Variants in ZFYVE9 observed in about 807,000 individuals in gnomAD.
ZFYVE9 encodes zinc finger FYVE domain-containing protein 9.
ZFYVE9 carries 43 observed loss-of-function variants against 126.7 expected under a neutral mutation model. The ratio of observed to expected loss-of-function variants is 0.34; its 90% confidence interval spans 0.27 to 0.44. ZFYVE9 has a LOEUF of 0.44. Among genes scored for constraint, ZFYVE9 ranks in the 20% least tolerant of loss-of-function variants. The pLI is 1.00. For missense variants in ZFYVE9, 1,476 were observed against 1,697.0 expected, an observed-to-expected ratio of 0.87 and a Z score of 2.29; for synonymous variants, 521 against 597.4, an observed-to-expected ratio of 0.87 and a Z score of 1.87.
chr1:52,274,534 T>C lies in ZFYVE9; in HGVS notation c.2696T>C (p.Ile899Thr). ...CCTGTTGGAAGTGCAATGAATCTTATTCCTGAAGATGGCCTTCCTCCCATT... is the reference window on the plus strand; with the variant it reads ...CCTGTTGGAAGTGCAATGAATCTTACTCCTGAAGATGGCCTTCCTCCCATT... ...GSPVGSAMNL[I>T]PEDGLPPILI... is the part of the protein sequence containing the mutation. The change falls in exon 8 of 19, where the codon ATT becomes ACT. Residue 899 changes from isoleucine to threonine, a missense_variant. Coordinates refer to ENST00000287727, the MANE Select transcript of ZFYVE9 (RefSeq NM_004799.4). 6.2e-7 allele frequency: 1 copy of C among 1,612,946 alleles called. No individual in the cohort carries two copies. The highest frequency in any genetic ancestry group is 1.3e-5 in the African/African-American group (1 of 75,036).
chr1:52,287,556 C>T (rs1027225363), intron 10 of ZFYVE9, among the ~76,000 whole-genome samples: 13 of 152,132 alleles, frequency 8.5e-5, no homozygotes, highest in African/African-American at 3.1e-4. Flanking sequence ...GCTTCACCCT[C>T]ATGGATGGGA....
At chr1:52,332,642 G>A (rs1330667160) in intron 13 of ZFYVE9, 126 bp from the exon 14 acceptor site, 1 of 1,083,070 alleles carries the variant, frequency 9.2e-7, no homozygotes, top group South Asian at 1.9e-5. Flanking sequence ...TCATTATTTG[G>A]TGGCCCTTTT....
In ZFYVE9 at chr1:52,241,013, A is replaced by G. The variant is rs77996819; in HGVS notation, c.2178+1418A>G. On this transcript the variant is annotated intron_variant, in intron 4 of 18. Coordinates refer to ENST00000287727, the MANE Select transcript of ZFYVE9 (RefSeq NM_004799.4). ...CTAATGTACTACATGAGGACTATGC[A>G]TAATAAAATCATACTATATTTGGGA... is the stretch of plus-strand genomic sequence containing the variant. Among the ~76,000 whole-genome samples, 245 of 152,310 alleles carry G rather than the reference A, an allele frequency of 1.6e-3. 2 individuals carry two copies. In the East Asian group the frequency reaches 0.027, roughly 17 times the overall value.
chr1:52,193,052 A>G (rs1357839690), intron 1 of ZFYVE9, among the ~76,000 whole-genome samples: 1 of 152,110 alleles, frequency 6.6e-6, no homozygotes, highest in African/African-American at 2.4e-5. Context: ...CAGACATCTC[A>G]TGCTTATTGA....
chr1:52,190,078 G>A (rs78381310), intron 1 of ZFYVE9: 2,318 of 171,942 alleles, frequency 0.013, 76 homozygotes, highest in African/African-American at 0.052. Context: ...TATAACACCC[G>A]TGATCATGTT....
At chr1:52,218,987 G>T (rs1449769439) in intron 2 of ZFYVE9, among the ~76,000 whole-genome samples, 1 of 152,148 alleles carries the variant, frequency 6.6e-6, no homozygotes, top group Non-Finnish European at 1.5e-5. Flanking sequence ...GGCAATTTGA[G>T]GGGGTGGTTC....
chr1:52,244,565 G>C (rs1295387224), intron 4 of ZFYVE9, among the ~76,000 whole-genome samples: 5 of 152,192 alleles, frequency 3.3e-5, no homozygotes, highest in Non-Finnish European at 1.5e-5. Flanking sequence ...GGTTTGAGGA[G>C]AGTGAGATAG....
chr1:52,268,671 T>C, intron 7 of ZFYVE9, 39 bp downstream of exon 7: 1 of 1,600,760 alleles, frequency 6.2e-7, no homozygotes, highest in South Asian at 1.1e-5. Context: ...GCATAGCTAC[T>C]TTACTCAGCA....
chr1:52,336,691 C>T (rs1286238872), intron 15 of ZFYVE9, among the ~76,000 whole-genome samples: 1 of 151,936 alleles, frequency 6.6e-6, no homozygotes. Context: ...GTCATTTGGT[C>T]TAAAGCAACT....
At chr1:52,256,355 C>G (rs1481762428) in intron 4 of ZFYVE9, among the ~76,000 whole-genome samples, 1 of 151,960 alleles carries the variant, frequency 6.6e-6, no homozygotes, top group African/African-American at 2.4e-5. Context: ...GCATGAGCCA[C>G]CATGCCCGGC....
intron 1 of ZFYVE9, among the ~76,000 whole-genome samples, chr1:52,167,308 A>G (rs942848234): frequency 2.6e-5 from 4 of 152,206 alleles, no homozygotes; most frequent in Admixed American, 2.6e-4. Context: ...ATCTTGGTGG[A>G]TAAATAAGAA....
intron 13 of ZFYVE9, among the ~76,000 whole-genome samples, chr1:52,312,793 G>T (rs1040794789): frequency 1.3e-5 from 2 of 152,106 alleles, no homozygotes; most frequent in African/African-American, 2.4e-5. Context: ...TTTCACTTTT[G>T]CCCATGTTGG....
intron 2 of ZFYVE9, among the ~76,000 whole-genome samples, chr1:52,229,414 C>T (rs1004725632): frequency 6.6e-6 from 1 of 152,152 alleles, no homozygotes; most frequent in Non-Finnish European, 1.5e-5. Flanking sequence ...TGTAAACATA[C>T]ATTTCCTTCT....
intron 10 of ZFYVE9, among the ~76,000 whole-genome samples, chr1:52,286,833 C>G (rs1036044992): frequency 4.6e-5 from 7 of 152,158 alleles, no homozygotes; most frequent in African/African-American, 1.7e-4. Flanking sequence ...TCATCTCCTG[C>G]TAGTCATCTC....
intron 10 of ZFYVE9, among the ~76,000 whole-genome samples, chr1:52,291,042 A>C (rs556035637): frequency 6.6e-6 from 1 of 152,210 alleles, no homozygotes; most frequent in Non-Finnish European, 1.5e-5. Context: ...TCAAAATGCC[A>C]TACTGCTACG....
intron 2 of ZFYVE9, among the ~76,000 whole-genome samples, chr1:52,218,597 TC>T: frequency 6.6e-6 from 1 of 152,340 alleles, no homozygotes; most frequent in South Asian, 2.1e-4. Context: ...AGTTTGGGTT[TC>T]TGGCCTGCCT....
At chr1:52,205,396 G>A (rs552583781) in intron 1 of ZFYVE9, among the ~76,000 whole-genome samples, 60 of 151,570 alleles carry the variant, frequency 4.0e-4, no homozygotes, top group African/African-American at 1.4e-3. Flanking sequence ...TTTAAGAGAT[G>A]GGGTTTCACT....
chr1:52,246,750 C>G (rs966567911), intron 4 of ZFYVE9, among the ~76,000 whole-genome samples: 1 of 149,816 alleles, frequency 6.7e-6, no homozygotes, highest in Non-Finnish European at 1.5e-5. Flanking sequence ...GTTGCTTGCC[C>G]AGGCTGGAGT....
chr1:52,153,952 C>T lies in ZFYVE9; in HGVS notation c.-143+11549C>T, dbSNP rs151288660. 5.3e-5 allele frequency among the ~76,000 whole-genome samples: 8 copies of T among 152,328 alleles called. No homozygotes were observed. In the East Asian group the frequency reaches 1.5e-3, roughly 29 times the overall value. On this transcript the variant is annotated intron_variant, in intron 1 of 18. Coordinates refer to ENST00000287727, the MANE Select transcript of ZFYVE9 (RefSeq NM_004799.4). ...ATGTACTGCATACAAGAGGATAGCA[C>T]ACCATTTTTGTCTCTGAGCTAGTAC... is the stretch of plus-strand genomic sequence containing the variant.
Sources: gnomAD v4.1 joint callset for allele counts (sites outside exome capture counted in the v4.1 genomes callset) on GRCh38, gnomAD v4.1.1 for gene constraint, MANE v1.5 for transcripts, NCBI Gene and HGNC (gene_info 2026-07-23, HGNC 2026-07-21) for gene names.